CACNA2D3: variants seen among roughly 807,000 people sequenced by gnomAD.
CACNA2D3 encodes voltage-dependent calcium channel subunit alpha-2/delta-3.
CACNA2D3 carries 60 observed loss-of-function variants against 160.6 expected under a neutral mutation model. That is an observed-to-expected ratio of 0.37 (90% CI 0.30 to 0.46). The LOEUF is 0.46. CACNA2D3 is among the 20% of genes least tolerant of loss of function. The pLI is 1.00. For missense variants in CACNA2D3, 1,205 were observed against 1,365.0 expected (o/e 0.88, Z 1.85); for synonymous variants, 558 against 492.9 (o/e 1.13, Z -1.75).
Position 54,527,626 on chromosome 3 carries a change from G to A in CACNA2D3, c.544+23972G>A, listed in dbSNP as rs1254641107. Among the ~76,000 whole-genome samples the A allele has an allele frequency of 2.0e-5, 3 of 152,130 alleles. No homozygotes were observed. In the South Asian group the frequency reaches 6.2e-4, roughly 32 times the overall value. On this transcript the variant is annotated intron_variant, in intron 5 of 37. Coordinates refer to ENST00000474759, the MANE Select transcript of CACNA2D3 (RefSeq NM_018398.3). ...TCGAGTGCAGATGTTATGGACGAAG[G>A]GAGCCCTCATTTCTCAGCTGTACTC... is the stretch of plus-strand genomic sequence containing the variant.
chr3:54,888,231 C>T (rs980707502), intron 24 of CACNA2D3, among the ~76,000 whole-genome samples, 179 bp downstream of exon 24: 2 of 152,212 alleles, frequency 1.3e-5, no homozygotes, highest in Non-Finnish European at 2.9e-5. Context: ...GGATGGCAAG[C>T]TCCTGGCTTT....
chr3:54,756,757 A>G (rs1039605236), intron 12 of CACNA2D3, among the ~76,000 whole-genome samples: 1 of 152,136 alleles, frequency 6.6e-6, no homozygotes, highest in African/African-American at 2.4e-5. Context: ...GGAGTCTGGT[A>G]GCCATGGAGA....
chr3:54,933,051 CCCTTCCTTCCTT>C (rs60554563), intron 27 of CACNA2D3, among the ~76,000 whole-genome samples: 12,852 of 139,364 alleles, frequency 0.092, 928 homozygotes, highest in East Asian at 0.17. Context: ...ATCCATCCCT[CCCTTCCTTCCTT>C]CCTTCCTTCC....
chr3:54,899,081 C>T lies in CACNA2D3; in HGVS notation c.2369-707C>T, dbSNP rs561645992. 2.6e-5 allele frequency among the ~76,000 whole-genome samples: 4 copies of T among 152,350 alleles called. No individual in the cohort carries two copies. In the South Asian group the frequency reaches 8.3e-4, roughly 32 times the overall value. On this transcript the variant is annotated intron_variant, in intron 26 of 37. Transcript: ENST00000474759. ...CTCAATTCAATTGGATTTCATCCAA[C>T]TCACTTTCATTGAGCACCTTTTAGC...
At chr3:54,311,500 C>T (rs891984711) in intron 2 of CACNA2D3, among the ~76,000 whole-genome samples, 5 of 152,194 alleles carry the variant, frequency 3.3e-5, no homozygotes, top group Non-Finnish European at 7.3e-5. Flanking sequence ...TCCCGTGATC[C>T]TCTTTCTCCC....
Position 54,663,464 on chromosome 3 carries a change from C to T in CACNA2D3, c.1167+21223C>T, listed in dbSNP as rs528273708. Among the ~76,000 whole-genome samples the T allele has an allele frequency of 1.1e-4, 16 of 152,332 alleles. No homozygotes were observed. In the East Asian group the frequency reaches 3.1e-3, roughly 29 times the overall value. On this transcript the variant is annotated intron_variant, in intron 11 of 37. Coordinates refer to ENST00000474759, the MANE Select transcript of CACNA2D3 (RefSeq NM_018398.3). ...GCCTTCCAGGCACCAAGACTTTGATCAACCTGAGTCAGGAGGTTTGTGTGA... is the reference window on the plus strand; with the variant it reads ...GCCTTCCAGGCACCAAGACTTTGATTAACCTGAGTCAGGAGGTTTGTGTGA...
In CACNA2D3 at chr3:54,192,740, A is replaced by G. The variant is rs540400144; in HGVS notation, c.204+69146A>G. Among the ~76,000 whole-genome samples, 14 of 152,114 alleles carry G rather than the reference A, an allele frequency of 9.2e-5. No individual in the cohort carries two copies. The East Asian group carries it at 1.9e-3, about 21-fold the overall frequency. The stretch of plus-strand genomic sequence containing the variant: ...TGCTGTAGATTATTCTCTGGGGACA[A>G]TCAGTGCTGCCCTCCAGGTATCTCA... On this transcript the variant is annotated intron_variant, in intron 2 of 37. Coordinates refer to ENST00000474759, the MANE Select transcript of CACNA2D3 (RefSeq NM_018398.3).
intron 13 of CACNA2D3, among the ~76,000 whole-genome samples, chr3:54,802,181 A>C (rs1703006485): frequency 6.6e-6 from 1 of 152,118 alleles, no homozygotes; most frequent in Non-Finnish European, 1.5e-5. Flanking sequence ...CAACTGGGAG[A>C]GGTCACTCAA....
chr3:54,984,683 T>G lies in CACNA2D3; in HGVS notation c.2619+13T>G. On this transcript the variant is annotated intron_variant, in intron 30 of 37. Transcript: ENST00000474759. ...AGACTACACACAGGTGAGTGAAAAT[T>G]TTCTACCAGCTCCAAGTAAGGATCT... The G allele has an allele frequency of 1.3e-6, 2 of 1,527,964 alleles. No individual in the cohort carries two copies. Among genetic ancestry groups the G allele is most frequent in the Non-Finnish European group, 1.8e-6 (2 of 1,122,510 alleles). 94.7% of individuals were successfully genotyped at this position (1,527,964 alleles called of 1,614,324 possible). A position where few individuals can be genotyped will look rare whatever the true frequency, so the allele number is the denominator to read the frequency against.
chr3:54,621,281 T>C (rs1254214410), intron 9 of CACNA2D3, among the ~76,000 whole-genome samples: 1 of 152,220 alleles, frequency 6.6e-6, no homozygotes. Context: ...ATGATTCAAC[T>C]AAACTGAATA....
chr3:54,245,310 T>G (rs74322318), intron 2 of CACNA2D3, among the ~76,000 whole-genome samples: 12,576 of 147,822 alleles, frequency 0.085, 641 homozygotes, highest in Non-Finnish European at 0.12. Flanking sequence ...TGTGTATGGG[T>G]GTGTGTGTGT....
intron 1 of CACNA2D3, among the ~76,000 whole-genome samples, chr3:54,123,283 CTT>C (rs1215870319): frequency 6.7e-6 from 1 of 149,864 alleles, no homozygotes; most frequent in Non-Finnish European, 1.5e-5. Context: ...GCCTGGGAGA[CTT>C]TGCGCATTCT....
chr3:54,400,440 G>T (rs1699434922), intron 4 of CACNA2D3, among the ~76,000 whole-genome samples: 1 of 152,048 alleles, frequency 6.6e-6, no homozygotes, highest in South Asian at 2.1e-4. Context: ...CAGCACTGTT[G>T]CAGCTGCTTG....
intron 17 of CACNA2D3, among the ~76,000 whole-genome samples, chr3:54,863,680 C>T (rs1030370424): frequency 1.3e-5 from 2 of 151,474 alleles, no homozygotes; most frequent in African/African-American, 4.9e-5. Context: ...AGATAAAGGT[C>T]ATTCAGGTTT....
At chr3:54,976,923 AAG>A (rs1289168480) in intron 29 of CACNA2D3, among the ~76,000 whole-genome samples, 3 of 152,230 alleles carry the variant, frequency 2.0e-5, no homozygotes, top group Non-Finnish European at 4.4e-5. Context: ...TCTAAGAAGA[AAG>A]GTCAGAAAAA....
chr3:55,000,566 A>G (rs1702959988), intron 31 of CACNA2D3, among the ~76,000 whole-genome samples: 12 of 152,222 alleles, frequency 7.9e-5, no homozygotes, highest in Admixed American at 7.9e-4. Flanking sequence ...ACTTAAAGTA[A>G]TATTTAAAAA....
intron 31 of CACNA2D3, among the ~76,000 whole-genome samples, chr3:54,998,255 C>T (rs776439728): frequency 6.6e-6 from 1 of 151,402 alleles, no homozygotes; most frequent in Non-Finnish European, 1.5e-5. Flanking sequence ...CATGTCTTAG[C>T]CTGCCGAGTA....
chr3:54,969,564 C>T (rs1056218197), intron 28 of CACNA2D3, among the ~76,000 whole-genome samples: 1 of 152,012 alleles, frequency 6.6e-6, no homozygotes, highest in African/African-American at 2.4e-5. Flanking sequence ...CTGCCCCACC[C>T]CGCTCAGTTG....
At chr3:54,972,501 T>C (rs1401325901) in intron 29 of CACNA2D3, among the ~76,000 whole-genome samples, 2 of 152,188 alleles carry the variant, frequency 1.3e-5, no homozygotes, top group Non-Finnish European at 2.9e-5. Flanking sequence ...CCAACTGCCC[T>C]CGAATGATCA....
Sources: allele counts gnomAD v4.1 joint callset (sites outside exome capture counted in the v4.1 genomes callset), GRCh38; gene constraint gnomAD v4.1.1; transcripts MANE v1.5; gene names NCBI Gene and HGNC (gene_info 2026-07-23, HGNC 2026-07-21).